TRHDE: variants seen among roughly 807,000 people sequenced by gnomAD.
TRHDE encodes the protein thyrotropin-releasing hormone-degrading ectoenzyme.
TRHDE carries 72 observed loss-of-function variants against 125.7 expected under a neutral mutation model. The observed-to-expected ratio is 0.57, with a 90% CI of 0.47 to 0.70. The LOEUF (loss-of-function observed/expected upper bound fraction) is 0.70, where lower values mean the gene tolerates loss of function less well. Ranked by LOEUF, TRHDE falls within the 30% of genes least tolerant of loss-of-function variation. The pLI is 0.00. For missense variants in TRHDE, 1,110 were observed against 1,327.1 expected, an observed-to-expected ratio of 0.84 and a Z score of 2.54; for synonymous variants, 509 against 509.1, an observed-to-expected ratio of 1.00 and a Z score of 0.00.
intron 2 of TRHDE, among the ~76,000 whole-genome samples, chr12:72,190,887 AC>A (rs761648586): frequency 1.3e-5 from 2 of 152,188 alleles, no homozygotes; most frequent in Non-Finnish European, 2.9e-5. Context: ...TTTGGAAGCC[AC>A]CTTAATGGTA....
intron 2 of TRHDE, among the ~76,000 whole-genome samples, chr12:72,145,692 G>C (rs1876210688): frequency 6.6e-6 from 1 of 152,082 alleles, no homozygotes; most frequent in East Asian, 1.9e-4. Context: ...AATCCTTTCT[G>C]TATGACCCAT....
chr12:72,650,000 A>G (rs1182837961), intron 15 of TRHDE, among the ~76,000 whole-genome samples: 15 of 152,178 alleles, frequency 9.9e-5, no homozygotes. Context: ...AAATAGAACT[A>G]CAATATAATC....
At chr12:72,360,027 G>C (rs150203411) in intron 2 of TRHDE, among the ~76,000 whole-genome samples, 2 of 151,514 alleles carry the variant, frequency 1.3e-5, no homozygotes, top group Non-Finnish European at 3.0e-5. Context: ...TAAATAGTAC[G>C]GAGACAATTG....
intron 9 of TRHDE, 127 bp from the exon 10 acceptor site, chr12:72,568,441 G>A (rs1870559533): frequency 9.4e-6 from 5 of 529,444 alleles, no homozygotes; most frequent in Non-Finnish European, 9.6e-6. Context: ...TTTGTGACCG[G>A]AATTATTTTT....
chr12:72,183,937 C>G (rs762185628), intron 2 of TRHDE, among the ~76,000 whole-genome samples: 2 of 152,108 alleles, frequency 1.3e-5, no homozygotes, highest in Non-Finnish European at 2.9e-5. Context: ...TTAAAATCTA[C>G]TCACTCAAAA....
rs1334025422 is a variant in TRHDE at position 72,273,540 on chromosome 12, G to C, written c.897G>C (p.Val299=). The C allele has an allele frequency of 1.9e-6, 3 of 1,599,676 alleles. No homozygotes were observed. Among genetic ancestry groups the C allele is most frequent in the Non-Finnish European group, 2.5e-6 (3 of 1,177,564 alleles). The part of the protein sequence containing the change: ...ELLGFFRSSY[V]LHGERRFLGV... The stretch of plus-strand genomic sequence containing the variant: ...TGGGCTTCTTCCGCAGCTCCTATGT[G>C]CTCCACGGGGAGAGAAGGTATGGAG... The change falls in exon 1 of 19, where the codon GTG becomes GTC. Residue 299 remains valine (V), a synonymous_variant. Transcript: ENST00000261180. The surrounding 1 kb of genome is among the most constrained non-coding windows in gnomAD (Gnocchi z 5.3).
chr12:72,371,626 G>A (rs2135765115), intron 2 of TRHDE, among the ~76,000 whole-genome samples: 1 of 151,726 alleles, frequency 6.6e-6, no homozygotes, highest in Non-Finnish European at 1.5e-5. Flanking sequence ...CCATCTATGA[G>A]TGAGAACATG....
At chr12:72,233,247 G>C (rs1042740395) in intron 2 of TRHDE, among the ~76,000 whole-genome samples, 1 of 152,142 alleles carries the variant, frequency 6.6e-6, no homozygotes. Context: ...AGGAGAAAAC[G>C]CTCTTATGAA....
chr12:72,636,974 T>C (rs1243945350), intron 15 of TRHDE, among the ~76,000 whole-genome samples: 1 of 152,068 alleles, frequency 6.6e-6, no homozygotes, highest in African/African-American at 2.4e-5. Context: ...TCTTTTTTGG[T>C]TGTGTCTCTG....
intron 6 of TRHDE, among the ~76,000 whole-genome samples, chr12:72,506,488 A>G (rs924215145): frequency 6.6e-6 from 1 of 152,160 alleles, no homozygotes; most frequent in Non-Finnish European, 1.5e-5. Flanking sequence ...GTATTATCCC[A>G]TTTATTCCTG....
At chr12:72,482,588 C>G (rs1258862128) in intron 5 of TRHDE, among the ~76,000 whole-genome samples, 2 of 151,892 alleles carry the variant, frequency 1.3e-5, no homozygotes, top group Non-Finnish European at 2.9e-5. Flanking sequence ...GCTTCTTTCC[C>G]TAAATATCAC....
intron 2 of TRHDE, among the ~76,000 whole-genome samples, chr12:72,178,678 A>G (rs1416953044): frequency 6.6e-6 from 1 of 152,072 alleles, no homozygotes; most frequent in Non-Finnish European, 1.5e-5. Flanking sequence ...ATACCTGCAG[A>G]ATCTATCCCA....
intron 13 of TRHDE, 22 bp from the exon 14 acceptor site, chr12:72,621,086 A>C: frequency 7.2e-7 from 1 of 1,394,794 alleles, no homozygotes; most frequent in Non-Finnish European, 1.0e-6. Flanking sequence ...CCTTATCTTT[A>C]TTTATTCTAT....
chr12:72,103,033 G>A (rs1177656391), intron 1 of TRHDE, among the ~76,000 whole-genome samples: 1 of 152,240 alleles, frequency 6.6e-6, no homozygotes, highest in African/African-American at 2.4e-5. Flanking sequence ...TTGCTTTGCA[G>A]TGTGACTTCT....
At chr12:72,623,074 C>T (rs1220796441) in intron 15 of TRHDE, among the ~76,000 whole-genome samples, 1 of 151,892 alleles carries the variant, frequency 6.6e-6, no homozygotes, top group Non-Finnish European at 1.5e-5. Flanking sequence ...AAATGTTATA[C>T]AAACTTTTTT....
intron 12 of TRHDE, among the ~76,000 whole-genome samples, chr12:72,588,883 G>A (rs1871552640): frequency 6.6e-6 from 1 of 152,126 alleles, no homozygotes; most frequent in Admixed American, 6.5e-5. Flanking sequence ...GGAAAGGGAA[G>A]CAAACATGTC....
At chr12:72,093,067 G>A (rs891720128) in intron 1 of TRHDE, among the ~76,000 whole-genome samples, 1 of 152,172 alleles carries the variant, frequency 6.6e-6, no homozygotes, top group African/African-American at 2.4e-5. Flanking sequence ...ATTCTGAGGT[G>A]CTTGATACTT....
At chr12:72,381,874 T>A (rs1872201566) in intron 3 of TRHDE, among the ~76,000 whole-genome samples, 1 of 152,196 alleles carries the variant, frequency 6.6e-6, no homozygotes, top group Non-Finnish European at 1.5e-5. Flanking sequence ...TAGGTGGCAC[T>A]TTTATGTCTG....
rs1032545053 is a variant in TRHDE at position 72,665,593 on chromosome 12, C to A, written c.*2398C>A. 6.6e-6 allele frequency: 1 copy of A among 151,988 alleles called. No homozygotes were observed. The highest frequency in any genetic ancestry group is 1.5e-5 in the Non-Finnish European group (1 of 67,936). 9.4% of individuals were successfully genotyped at this position (151,988 alleles called of 1,614,324 possible). On this transcript the variant is annotated 3_prime_UTR_variant, in exon 19 of 19. Coordinates refer to ENST00000261180, the MANE Select transcript of TRHDE (RefSeq NM_013381.3). ...AAAAGAATAAAATAACCAATGATATCTCTTGGAATAATCTGTAAAACGTAG... is the reference window on the plus strand; with the variant it reads ...AAAAGAATAAAATAACCAATGATATATCTTGGAATAATCTGTAAAACGTAG...
Sources: allele counts gnomAD v4.1 joint callset (sites outside exome capture counted in the v4.1 genomes callset), GRCh38; gene constraint gnomAD v4.1.1; non-coding constraint Gnocchi (gnomAD v3.1); transcripts MANE v1.5; gene names NCBI Gene and HGNC (gene_info 2026-07-23, HGNC 2026-07-21).